The following KCNK9 variants were observed in gnomAD, a reference collection of about 807,000 sequenced individuals.
KCNK9 encodes potassium channel subfamily K member 9.
Under a neutral mutation model 10.8 loss-of-function variants are expected in KCNK9, and 1 was observed. The observed-to-expected ratio is 0.09, with a 90% CI of 0.03 to 0.44. The LOEUF is 0.44. Among genes scored for constraint, KCNK9 ranks in the 20% least tolerant of loss-of-function variants. KCNK9 has a pLI of 0.97. For missense variants in KCNK9, 303 were observed against 515.0 expected (o/e 0.59, Z 3.98); for synonymous variants, 231 against 222.7 (o/e 1.04, Z -0.33).
At chr8:139,673,039 C>T (rs1486366172) in intron 1 of KCNK9, among the ~76,000 whole-genome samples, 3 of 152,166 alleles carry the variant, frequency 2.0e-5, no homozygotes, top group Admixed American at 2.0e-4. Context: ...ACGTGCAGAA[C>T]GGGATTCGGG....
At chr8:139,695,575 G>C in intron 1 of KCNK9, among the ~76,000 whole-genome samples, 1 of 152,144 alleles carries the variant, frequency 6.6e-6, no homozygotes. Context: ...GGCAGGAAAA[G>C]AGACCCTCAA....
chr8:139,617,046 C>T (rs1325513006), downstream of KCNK9: 1 of 152,190 alleles, frequency 6.6e-6, no homozygotes. Flanking sequence ...AGACATAGCT[C>T]CTTGCCTCTA....
At chr8:139,643,348 C>T (rs934187170) in intron 1 of KCNK9, among the ~76,000 whole-genome samples, 6 of 152,228 alleles carry the variant, frequency 3.9e-5, no homozygotes, top group Admixed American at 3.9e-4. Flanking sequence ...GTCCTTCACC[C>T]GGACTGGGGG....
chr8:139,692,448 T>C (rs938439834), intron 1 of KCNK9, among the ~76,000 whole-genome samples: 2 of 152,196 alleles, frequency 1.3e-5, no homozygotes, highest in Non-Finnish European at 2.9e-5. Context: ...TGCCGTTGCT[T>C]GCCAACTTTC....
chr8:139,646,357 G>A (rs192654599), intron 1 of KCNK9, among the ~76,000 whole-genome samples: 4 of 152,328 alleles, frequency 2.6e-5, no homozygotes, highest in East Asian at 1.9e-4. Flanking sequence ...CCAGTATCCC[G>A]TAGAGAAGAC....
chr8:139,607,070 G>A (rs1001501142), intron 2 of KCNK9, among the ~76,000 whole-genome samples: 4 of 152,166 alleles, frequency 2.6e-5, no homozygotes, highest in Admixed American at 1.3e-4. Flanking sequence ...GTGCTCCTCT[G>A]AGGAGCTATC....
chr8:139,659,868 T>C (rs1816109175), intron 1 of KCNK9, among the ~76,000 whole-genome samples: 1 of 152,006 alleles, frequency 6.6e-6, no homozygotes, highest in South Asian at 2.1e-4. Flanking sequence ...TCAAGTATAC[T>C]GCCTTTTGTG....
At position 139,617,322 on chromosome 8, in the gene KCNK9, C is replaced by T. The variant is rs1317514646; in HGVS notation, c.*936G>A. ...GGGGTTCCAACAATTTTCCCGTTTC[C>T]CCTGACAATTCCAGTTGCATGGTAA... is the stretch of plus-strand genomic sequence containing the variant. On this transcript the variant is annotated 3_prime_UTR_variant, in exon 2 of 2. Coordinates refer to ENST00000520439, the MANE Select transcript of KCNK9 (RefSeq NM_001282534.2). 6.6e-6 allele frequency among the ~76,000 whole-genome samples: 1 copy of T among 152,180 alleles called. No homozygotes were observed. Among genetic ancestry groups the T allele is most frequent in the East Asian group, 1.9e-4 (1 of 5,174 alleles).
At chr8:139,673,376 G>C (rs1305324800) in intron 1 of KCNK9, among the ~76,000 whole-genome samples, 3 of 152,218 alleles carry the variant, frequency 2.0e-5, no homozygotes, top group Non-Finnish European at 4.4e-5. Flanking sequence ...TCTCAATAAA[G>C]CCGCTACAAA....
downstream of KCNK9, among the ~76,000 whole-genome samples, chr8:139,614,765 G>A (rs1002272316): frequency 1.3e-5 from 2 of 152,230 alleles, no homozygotes; most frequent in Admixed American, 6.5e-5. Flanking sequence ...GCCCCCAGGG[G>A]TCTTAGAGAT....
chr8:139,631,031 G>A (rs1296042986), intron 1 of KCNK9, among the ~76,000 whole-genome samples: 1 of 152,240 alleles, frequency 6.6e-6, no homozygotes, highest in Non-Finnish European at 1.5e-5. Context: ...GCCGGCCACC[G>A]GAGAGGCAAC....
At chr8:139,699,852 G>A (rs201205896) in intron 1 of KCNK9, among the ~76,000 whole-genome samples, 4 of 152,210 alleles carry the variant, frequency 2.6e-5, no homozygotes, top group South Asian at 2.1e-4. Context: ...GCCTTCATTC[G>A]TGGCCGCCCA....
intron 1 of KCNK9, among the ~76,000 whole-genome samples, chr8:139,640,742 T>C (rs1326391222): frequency 1.3e-5 from 2 of 152,138 alleles, no homozygotes; most frequent in African/African-American, 4.8e-5. Flanking sequence ...ATGGGGAAAA[T>C]CCCACCATCT....
Position 139,693,559 on chromosome 8 carries a change from G to A in KCNK9, c.283+9151C>T, listed in dbSNP as rs1475346535. On this transcript the variant is annotated intron_variant, in intron 1 of 1. Coordinates refer to ENST00000520439, the MANE Select transcript of KCNK9 (RefSeq NM_001282534.2). This position sits in a 1 kb window ranked among gnomAD's most constrained non-coding sequence, Gnocchi z 4.1. The stretch of plus-strand genomic sequence containing the variant: ...GCACCTGCTATGGGCCTGGCCAGGT[G>A]CAAGGGAGCCTGAGACCAGCAGCCC... Among the ~76,000 whole-genome samples the A allele has an allele frequency of 6.6e-6, 1 of 152,144 alleles. No individual in the cohort carries two copies. The highest frequency in any genetic ancestry group is 2.4e-5 in the African/African-American group (1 of 41,452).
At chr8:139,680,510 C>T (rs1346046261) in intron 1 of KCNK9, among the ~76,000 whole-genome samples, 1 of 152,206 alleles carries the variant, frequency 6.6e-6, no homozygotes, top group Non-Finnish European at 1.5e-5. Flanking sequence ...AAGATGGATC[C>T]TTACCCATGG....
chr8:139,697,369 GGATGGATGGAT>G (rs1817087925), intron 1 of KCNK9, among the ~76,000 whole-genome samples: 1 of 150,360 alleles, frequency 6.7e-6, no homozygotes, highest in Admixed American at 6.6e-5. Flanking sequence ...ATGGATGGAT[GGATGGATGGAT>G]GGATGGATAA....
rs987351739 is a variant in KCNK9 at position 139,697,881 on chromosome 8, C to T, written c.283+4829G>A. Reference sequence around the variant, plus strand: ...GCCCAGAGCAGAGCGAGCCCAGGTCCGAGAAGGGTGTGGGGAAGAGGAGCT... The same window carrying T: ...GCCCAGAGCAGAGCGAGCCCAGGTCTGAGAAGGGTGTGGGGAAGAGGAGCT... On this transcript the variant is annotated intron_variant, in intron 1 of 1. Coordinates refer to ENST00000520439, the MANE Select transcript of KCNK9 (RefSeq NM_001282534.2). Among the ~76,000 whole-genome samples, 4 of 152,218 alleles carry T rather than the reference C, an allele frequency of 2.6e-5. No individual in the cohort carries two copies. The South Asian group carries it at 8.3e-4, about 32-fold the overall frequency.
At chr8:139,622,366 C>T (rs994023501) in intron 1 of KCNK9, among the ~76,000 whole-genome samples, 2 of 152,146 alleles carry the variant, frequency 1.3e-5, no homozygotes, top group Non-Finnish European at 2.9e-5. Flanking sequence ...CCTATTTAGG[C>T]GTTCCCAGCC....
intron 1 of KCNK9, among the ~76,000 whole-genome samples, chr8:139,640,590 C>A (rs909633247): frequency 2.0e-5 from 3 of 152,216 alleles, no homozygotes; most frequent in Non-Finnish European, 4.4e-5. Flanking sequence ...CAGTCACATA[C>A]CCGCGCCCCA....
Sources: gnomAD v4.1 joint callset for allele counts (sites outside exome capture counted in the v4.1 genomes callset) on GRCh38, gnomAD v4.1.1 for gene constraint, Gnocchi (gnomAD v3.1) non-coding constraint, MANE v1.5 for transcripts, NCBI Gene and HGNC (gene_info 2026-07-23, HGNC 2026-07-21) for gene names.